Variants in TREH observed in about 807,000 individuals in gnomAD.
The protein encoded by TREH is trehalase.
In TREH, 69 loss-of-function variants were observed where a neutral mutation model predicts 80.5. The observed-to-expected ratio is 0.86, with a 90% CI of 0.71 to 1.05. TREH has a LOEUF of 1.05. Ranked by LOEUF, TREH falls within the 50% of genes least tolerant of loss-of-function variation. TREH has a pLI of 0.00. For synonymous variants in TREH, 309 were observed against 293.5 expected (o/e 1.05, Z -0.54); for missense variants, 716 against 718.8 (o/e 1.00, Z 0.04).
At chr11:118,678,700 G>A (rs1227298165) in intron 1 of TREH, among the ~76,000 whole-genome samples, 1 of 150,984 alleles carries the variant, frequency 6.6e-6, no homozygotes, top group East Asian at 1.9e-4. Flanking sequence ...GCAGGAGCTG[G>A]TAAAGTGGCT....
rs1555145037 is a variant in TREH, at chr11:118,661,769, C to T, written c.525-40G>A. The T allele has an allele frequency of 1.2e-6, 2 of 1,609,608 alleles. No individual in the cohort carries two copies. The highest frequency in any genetic ancestry group is 2.2e-5 in the South Asian group (2 of 90,964). The stretch of plus-strand genomic sequence containing the variant: ...GCTTAGGCACCACCCTGCTGCCTCC[C>T]TCTGCCCTGCACACCAGCCAGTGGG... On this transcript the variant is annotated intron_variant, in intron 5 of 14. Transcript: ENST00000264029. This position sits in a 1 kb window ranked among gnomAD's most constrained non-coding sequence, Gnocchi z 4.2.
intron 3 of TREH, 38 bp downstream of exon 3, chr11:118,663,014 G>C (rs782198317): frequency 3.1e-6 from 5 of 1,610,648 alleles, no homozygotes; most frequent in Non-Finnish European, 4.2e-6. Context: ...CAGCTCAGTT[G>C]GAAGGAACCC....
intron 1 of TREH, among the ~76,000 whole-genome samples, chr11:118,668,072 C>G (rs1555145845): frequency 1.3e-5 from 2 of 152,110 alleles, no homozygotes; most frequent in Non-Finnish European, 2.9e-5. Context: ...CCATGTTGGC[C>G]AGGCTGGTCT....
chr11:118,671,410 G>A (rs797027923), intron 1 of TREH, among the ~76,000 whole-genome samples: 5 of 151,922 alleles, frequency 3.3e-5, no homozygotes, highest in East Asian at 1.9e-4. Flanking sequence ...AGAATGCATC[G>A]GAGTCCTTTA....
intron 1 of TREH, among the ~76,000 whole-genome samples, chr11:118,667,554 A>C (rs782210140): frequency 6.6e-6 from 1 of 152,136 alleles, no homozygotes; most frequent in Non-Finnish European, 1.5e-5. Flanking sequence ...GATTTGTCCA[A>C]ATTCTCCTGG....
Position 118,663,474 on chromosome 11 carries a change from C to T in TREH, c.90-35G>A, listed in dbSNP as rs782409264. The T allele has an allele frequency of 7.1e-5, 106 of 1,494,450 alleles. 2 individuals carry two copies. The South Asian group carries it at 8.2e-4, about 12-fold the overall frequency. 92.6% of individuals were successfully genotyped at this position (1,494,450 alleles called of 1,614,324 possible). On this transcript the variant is annotated intron_variant, in intron 1 of 14. Coordinates refer to ENST00000264029, the MANE Select transcript of TREH (RefSeq NM_007180.3). ...CAGGGATAGGAGCAGGTCAGGTCAC[C>T]ACCACCACCCCATTAGGACAGAAGA...
Position 118,663,113 on chromosome 11 carries a change from C to T in TREH, c.274G>A (p.Glu92Lys), listed in dbSNP as rs781840958. Reference protein sequence around the residue: ...PREQLQAFVHEHFQAKGQELQ... With the variant: ...PREQLQAFVHKHFQAKGQELQ... Reference sequence around the variant, plus strand: ...TCCTGCCCCTTGGCCTGGAAGTGTTCGTGGACAAACGCCTGCAGCTGCTCC... The same window carrying T: ...TCCTGCCCCTTGGCCTGGAAGTGTTTGTGGACAAACGCCTGCAGCTGCTCC... The change falls in exon 3 of 15, where the codon GAA becomes AAA. Residue 92 changes from glutamate to lysine, a missense_variant. Coordinates refer to ENST00000264029, the MANE Select transcript of TREH (RefSeq NM_007180.3). 6.8e-6 allele frequency: 11 copies of T among 1,613,842 alleles called. No homozygotes were observed. The highest frequency in any genetic ancestry group is 4.5e-5 in the East Asian group (2 of 44,890).
At chr11:118,660,801 G>A (rs1409544406) in intron 9 of TREH, 65 bp downstream of exon 9, 1 of 1,548,042 alleles carries the variant, frequency 6.5e-7, no homozygotes, top group Admixed American at 2.0e-5. Flanking sequence ...CAGGAGACCA[G>A]AGCCTGACAC....
chr11:118,675,350 G>A (rs1298747565), intron 1 of TREH, among the ~76,000 whole-genome samples: 6 of 152,120 alleles, frequency 3.9e-5, no homozygotes, highest in Non-Finnish European at 5.9e-5. Flanking sequence ...TCAGGTTAAG[G>A]GCACGGTCCT....
chr11:118,661,564 C>A lies in TREH; in HGVS notation c.618-55G>T, dbSNP rs572681730. ...CTCTCCCCAGCAACTGGCACCAAGG[C>A]AATCCAGCTGCATGCCCGTGGCACA... On this transcript the variant is annotated intron_variant, in intron 6 of 14. Transcript: ENST00000264029. The surrounding 1 kb of genome is among the most constrained non-coding windows in gnomAD (Gnocchi z 4.2). The A allele has an allele frequency of 6.2e-7, 1 of 1,612,524 alleles. No homozygotes were observed. Among genetic ancestry groups the A allele is most frequent in the East Asian group, 2.2e-5 (1 of 44,862 alleles).
chr11:118,658,176 C>G lies in TREH; in HGVS notation c.*113G>C, dbSNP rs782567861. 22 of 1,419,862 alleles carry G rather than the reference C, an allele frequency of 1.5e-5. No homozygotes were observed. The highest frequency in any genetic ancestry group is 2.0e-5 in the Non-Finnish European group (21 of 1,055,888). The allele number at this position is 1,419,862 out of a possible 1,614,324, so 88.0% of individuals were successfully genotyped here. On this transcript the variant is annotated 3_prime_UTR_variant, in exon 15 of 15. Transcript: ENST00000264029. ...CAGGTCGTGACCCTGCCCTCCACTT[C>G]GCTCTGAGGACAGGCTGGGAGGTAG...
At chr11:118,658,758 T>C (rs781803914) in intron 13 of TREH, 25 bp from the exon 14 acceptor site, 5 of 1,609,478 alleles carry the variant, frequency 3.1e-6, no homozygotes, top group South Asian at 1.1e-5. Context: ...GTGGGCTGTA[T>C]GTCAGGTACT....
intron 1 of TREH, among the ~76,000 whole-genome samples, chr11:118,664,763 A>G (rs1213857545): frequency 6.6e-6 from 1 of 152,198 alleles, no homozygotes; most frequent in African/African-American, 2.4e-5. Flanking sequence ...TTTGCTGTCT[A>G]CAGTGGGGGA....
In TREH at chr11:118,662,939, G is replaced by T. The variant is rs180675659; in HGVS notation, c.365C>A (p.Ala122Asp). 6 of 1,611,970 alleles carry T rather than the reference G, an allele frequency of 3.7e-6. No individual in the cohort carries two copies. Among genetic ancestry groups the T allele is most frequent in the Non-Finnish European group, 5.1e-6 (6 of 1,179,024 alleles). The change falls in exon 4 of 15, where the codon GCC (alanine) becomes GAC (aspartate). Residue 122 changes from alanine to aspartate, a missense_variant. Coordinates refer to ENST00000264029, the MANE Select transcript of TREH (RefSeq NM_007180.3). ...CTGCCCTGCCCAGGCACGCAGTTTGGCATCTGAAATCTTCTGCAGGAACTG... is the reference window on the plus strand; with the variant it reads ...CTGCCCTGCCCAGGCACGCAGTTTGTCATCTGAAATCTTCTGCAGGAACTG... ...SPQFLQKISDAKLRAWAGQLH... is the reference protein window; with the variant it reads ...SPQFLQKISDDKLRAWAGQLH...
chr11:118,663,557 CTGTGTGTGCGTGCG>C (rs1467908575), intron 1 of TREH, 118 bp from the exon 2 acceptor site: 7 of 810,560 alleles, frequency 8.6e-6, no homozygotes, highest in Non-Finnish European at 1.4e-5. Context: ...TGGACAAGGG[CTGTGTGTGCGTGCG>C]TGTGTGTGTG....
At chr11:118,668,339 A>T (rs1384104960) in intron 1 of TREH, among the ~76,000 whole-genome samples, 1 of 151,982 alleles carries the variant, frequency 6.6e-6, no homozygotes, top group Non-Finnish European at 1.5e-5. Context: ...ATGAATATTG[A>T]TGCAAAAATC....
At chr11:118,675,174 G>A (rs1223249425) in intron 1 of TREH, among the ~76,000 whole-genome samples, 3 of 152,134 alleles carry the variant, frequency 2.0e-5, no homozygotes, top group Admixed American at 1.3e-4. Context: ...GTATCCACTC[G>A]AGAATGAAAG....
rs1949268156 is a variant in TREH at position 118,659,009 on chromosome 11, T to G, written c.1441A>C (p.Lys481Gln). 6.2e-7 allele frequency: 1 copy of G among 1,613,608 alleles called. No homozygotes were observed. The highest frequency in any genetic ancestry group is 1.3e-5 in the African/African-American group (1 of 74,922). ...LQDLVIRGLA[K>Q]APLRRAQEVA... ...TCCTGGGCCCGACGTAAAGGTGCCTTGGCCAGGCCTAGACCCCATTGCAGG... is the reference window on the plus strand; with the variant it reads ...TCCTGGGCCCGACGTAAAGGTGCCTGGGCCAGGCCTAGACCCCATTGCAGG... The change falls in exon 13 of 15, where the codon AAG becomes CAG. Residue 481 changes from lysine to glutamine, a missense_variant. Lys to Gln is a moderately conservative substitution (Grantham distance 53, BLOSUM62 1). Coordinates refer to ENST00000264029, the MANE Select transcript of TREH (RefSeq NM_007180.3).
intron 1 of TREH, among the ~76,000 whole-genome samples, chr11:118,668,135 G>A (rs1949395419): frequency 6.6e-6 from 1 of 152,136 alleles, no homozygotes; most frequent in African/African-American, 2.4e-5. Flanking sequence ...AAAGTGTTGG[G>A]ATTACAGGCG....
Sources: allele counts gnomAD v4.1 joint callset (sites outside exome capture counted in the v4.1 genomes callset), GRCh38; gene constraint gnomAD v4.1.1; non-coding constraint Gnocchi (gnomAD v3.1); transcripts MANE v1.5; gene names NCBI Gene and HGNC (gene_info 2026-07-23, HGNC 2026-07-21).